Variants in RIPOR3 observed in about 807,000 individuals in gnomAD.
RIPOR3 encodes the protein RIPOR family member 3, also known as family with sequence similarity 65 member C.
A neutral mutation model predicts 114.3 loss-of-function variants in RIPOR3; 95 were observed. The ratio of observed to expected loss-of-function variants is 0.83; its 90% CI spans 0.70 to 0.99. The LOEUF (loss-of-function observed/expected upper bound fraction) is 0.99, where lower values mean the gene tolerates loss of function less well. RIPOR3 is among the 50% of genes least tolerant of loss of function. The probability of loss-of-function intolerance (pLI) is 0.00; values close to 1 mark genes in which losing one functional copy is unlikely to be tolerated. For synonymous variants in RIPOR3, 575 were observed against 543.8 expected, an observed-to-expected ratio of 1.06 and a Z score of -0.80; for missense variants, 1,252 against 1,266.9, an observed-to-expected ratio of 0.99 and a Z score of 0.18.
rs1429725137 is a variant in RIPOR3, at chr20:50,644,660, T to TG, written c.4-13805dup. On this transcript the variant is annotated intron_variant, in intron 1 of 21. Transcript: ENST00000327979. ...CACCATGACCGGCTAATTTCTGTTT[T>TG]GTTTTTTTTTGTTTGCTTTTTTTTT... Among the ~76,000 whole-genome samples, 15 of 137,582 alleles carry TG rather than the reference T, an allele frequency of 1.1e-4. 1 individual carries two copies. The highest frequency in any genetic ancestry group is 4.3e-4 in the African/African-American group (15 of 34,498). The allele number at this position is 137,582 out of a possible 152,430, so 90.3% of individuals were successfully genotyped here.
chr20:50,613,737 G>A (rs1431887592), intron 4 of RIPOR3, among the ~76,000 whole-genome samples: 1 of 152,216 alleles, frequency 6.6e-6, no homozygotes, highest in Non-Finnish European at 1.5e-5. Flanking sequence ...AGAATGGAAA[G>A]AATGGGAAAC....
chr20:50,623,129 T>C (rs1379592744), intron 2 of RIPOR3, among the ~76,000 whole-genome samples: 1 of 151,494 alleles, frequency 6.6e-6, no homozygotes, highest in Non-Finnish European at 1.5e-5. Flanking sequence ...GGCGTGGTGG[T>C]GGACACCTGT....
Position 50,589,587 on chromosome 20 carries a change from C to G in RIPOR3, c.2661+99G>C, listed in dbSNP as rs571711462. 246 of 1,293,134 alleles carry G rather than the reference C, an allele frequency of 1.9e-4. No individual in the cohort carries two copies. In the African/African-American group the frequency reaches 3.3e-3, roughly 17 times the overall value. The allele number at this position is 1,293,134 out of a possible 1,614,324, so 80.1% of individuals were successfully genotyped here. A position where few individuals can be genotyped will look rare whatever the true frequency, so the allele number is the denominator to read the frequency against. ...CTGAGATTACAGGCGTGAGCCATCA[C>G]GCCCAGCCCCAGTGGAATCATTTTG... On this transcript the variant is annotated intron_variant, in intron 20 of 21. Transcript: ENST00000327979.
intron 14 of RIPOR3, chr20:50,597,299 T>C: frequency 2.4e-6 from 1 of 411,760 alleles, no homozygotes. Flanking sequence ...TGGTGATTAT[T>C]TTTAAGGTTT....
intron 1 of RIPOR3, among the ~76,000 whole-genome samples, chr20:50,651,141 C>A (rs1366083887): frequency 1.3e-5 from 2 of 152,018 alleles, no homozygotes; most frequent in African/African-American, 2.4e-5. Context: ...GAGAGGGATT[C>A]AGCGTGAGAG....
intron 1 of RIPOR3, among the ~76,000 whole-genome samples, chr20:50,668,868 A>T (rs2123508492): frequency 6.6e-6 from 1 of 152,218 alleles, no homozygotes; most frequent in African/African-American, 2.4e-5. Context: ...AAAAAAAAAA[A>T]AAATTCAGGA....
chr20:50,593,147 G>A lies in RIPOR3; in HGVS notation c.2262C>T (p.Pro754=), dbSNP rs758166271. Residue 754 remains proline, a synonymous_variant, in exon 18 of 22, where the codon CCC becomes CCT. Transcript: ENST00000327979. ...EQVVSCGGLL[P]GAGLPEEQII... Reference sequence around the variant, plus strand: ...TCTGTTCTTCTGGGAGCCCAGCTCCGGGGAGCAGCCCACCACAGCTGACCA... The same window carrying A: ...TCTGTTCTTCTGGGAGCCCAGCTCCAGGGAGCAGCCCACCACAGCTGACCA... 2.1e-5 allele frequency: 34 copies of A among 1,613,654 alleles called. No individual in the cohort carries two copies. The Admixed American group carries it at 4.3e-4, about 21-fold the overall frequency.
At chr20:50,660,284 T>G (rs2085951386) in intron 1 of RIPOR3, 1 of 152,176 alleles carries the variant, frequency 6.6e-6, no homozygotes, top group Admixed American at 6.5e-5. Flanking sequence ...GAAAAGAGAC[T>G]TATTTCATTT....
At chr20:50,623,242 A>G (rs1391210636) in intron 2 of RIPOR3, among the ~76,000 whole-genome samples, 1 of 150,662 alleles carries the variant, frequency 6.6e-6, no homozygotes, top group Non-Finnish European at 1.5e-5. Context: ...CCTGGGCAGC[A>G]AGAGCAAAAC....
chr20:50,592,499 G>C lies in RIPOR3; in HGVS notation c.2422C>G (p.Arg808Gly). 6.2e-7 allele frequency: 1 copy of C among 1,610,228 alleles called. No individual in the cohort carries two copies. ...CCCAGCCGCTTCCCCTGCAGCTTCC[G>C]GACCACCTTGGCCTGTCCCGCACAG... ...LHCAGQAKVV[R>G]KLQGKRLGQL... The change falls in exon 19 of 22, where the codon CGG becomes GGG. Residue 808 changes from arginine (R) to glycine (G), a missense_variant. Transcript: ENST00000327979.
intron 1 of RIPOR3, among the ~76,000 whole-genome samples, chr20:50,671,954 ATGGTTAGG>A (rs1213356252): frequency 3.8e-5 from 5 of 130,182 alleles, no homozygotes; most frequent in Non-Finnish European, 7.9e-5. Flanking sequence ...GGATGAGTAG[ATGGTTAGG>A]TGGATAGGTG....
In RIPOR3 at chr20:50,630,732, A is replaced by G. The variant is rs113585337; in HGVS notation, c.122+6T>C. On this transcript the variant is annotated splice_donor_region_variant and intron_variant, in intron 2 of 21. Coordinates refer to ENST00000327979, the MANE Select transcript of RIPOR3 (RefSeq NM_001290268.2). The stretch of plus-strand genomic sequence containing the variant: ...CACCCCGAAACAGGACACGGGGGGA[A>G]CTTACGCGATCCTCCGGCTCTGTGC... 7 of 1,601,078 alleles carry G rather than the reference A, an allele frequency of 4.4e-6. No homozygotes were observed. Among genetic ancestry groups the G allele is most frequent in the East Asian group, 2.3e-5 (1 of 44,126 alleles).
In RIPOR3 at chr20:50,691,299, T is replaced by C; in HGVS notation, c.-171A>G. ...GCCACCAGCCGCTGGTCCCGCTCTC[T>C]GGGAAGATCGCCTTGAGGACCTGCT... is the stretch of plus-strand genomic sequence containing the variant. On this transcript the variant is annotated 5_prime_UTR_variant, in exon 1 of 22. Transcript: ENST00000327979. The C allele has an allele frequency of 7.3e-6, 6 of 825,258 alleles. No homozygotes were observed. Among genetic ancestry groups the C allele is most frequent in the Non-Finnish European group, 1.0e-5 (6 of 587,216 alleles). 51.1% of individuals were successfully genotyped at this position (825,258 alleles called of 1,614,324 possible). A position where few individuals can be genotyped will look rare whatever the true frequency, so the allele number is the denominator to read the frequency against.
chr20:50,595,959 G>A (rs555912569), intron 15 of RIPOR3, among the ~76,000 whole-genome samples, 181 bp downstream of exon 15: 1 of 152,184 alleles, frequency 6.6e-6, no homozygotes, highest in East Asian at 1.9e-4. Context: ...AGAGCCACAC[G>A]AGTATTCACC....
chr20:50,620,987 G>T, intron 2 of RIPOR3: 1 of 531,226 alleles, frequency 1.9e-6, no homozygotes. Flanking sequence ...CAAGGAAAGG[G>T]TGGGGACACA....
chr20:50,643,467 G>T (rs1404926645), intron 1 of RIPOR3, among the ~76,000 whole-genome samples: 2 of 150,474 alleles, frequency 1.3e-5, no homozygotes, highest in Admixed American at 1.3e-4. Flanking sequence ...GCCGAGGTGG[G>T]AAGACCGCTT....
At chr20:50,687,979 C>A (rs1357781677) in intron 1 of RIPOR3, among the ~76,000 whole-genome samples, 1 of 151,750 alleles carries the variant, frequency 6.6e-6, no homozygotes, top group East Asian at 1.9e-4. Flanking sequence ...CTTACAATAC[C>A]TTTTCTTTTA....
At chr20:50,616,666 G>A (rs2084183093) in intron 3 of RIPOR3, among the ~76,000 whole-genome samples, 1 of 152,104 alleles carries the variant, frequency 6.6e-6, no homozygotes, top group South Asian at 2.1e-4. Context: ...TTTAAAGATA[G>A]ACAAACCAAC....
chr20:50,594,837 G>A (rs1201009291), intron 16 of RIPOR3, 123 bp from the exon 17 acceptor site: 22 of 1,135,392 alleles, frequency 1.9e-5, no homozygotes, highest in South Asian at 3.2e-5. Flanking sequence ...GGCTTGATGC[G>A]AGGTCCCTTC....
Sources: allele counts gnomAD v4.1 joint callset (sites outside exome capture counted in the v4.1 genomes callset), GRCh38; gene constraint gnomAD v4.1.1; transcripts MANE v1.5; gene names NCBI Gene and HGNC (gene_info 2026-07-23, HGNC 2026-07-21).